Variants in UNKL observed in about 807,000 individuals in gnomAD.
UNKL encodes the protein putative E3 ubiquitin-protein ligase UNKL.
Under a neutral mutation model 78.0 loss-of-function variants are expected in UNKL, and 60 were observed. The ratio of observed to expected loss-of-function variants is 0.77; its 90% CI spans 0.63 to 0.95. UNKL has a LOEUF of 0.95. UNKL is among the 40% of genes least tolerant of loss of function. UNKL has a pLI of 0.00. For missense variants in UNKL, 1,159 were observed against 1,045.7 expected, an observed-to-expected ratio of 1.11 and a Z score of -1.49; for synonymous variants, 608 against 474.8, an observed-to-expected ratio of 1.28 and a Z score of -3.65.
intron 1 of UNKL, 39 bp downstream of exon 1, chr16:1,414,576 G>A (rs2038195818): frequency 3.1e-6 from 3 of 966,152 alleles, no homozygotes; most frequent in Admixed American, 5.9e-5. Flanking sequence ...GAGCTGCACC[G>A]GGCGCGGGCG....
rs1596720638 is a variant in UNKL, at chr16:1,390,498, G to A, written c.1086+134C>T. The A allele has an allele frequency of 2.0e-5, 18 of 895,112 alleles. No homozygotes were observed. In the South Asian group the frequency reaches 2.7e-4, roughly 13 times the overall value. 55.4% of individuals were successfully genotyped at this position (895,112 alleles called of 1,614,324 possible). A position where few individuals can be genotyped will look rare whatever the true frequency, so the allele number is the denominator to read the frequency against. On this transcript the variant is annotated intron_variant, in intron 9 of 14. Transcript: ENST00000389221. ...GCGGACGTCAACCAGATGGCTTTGC[G>A]AGCCGAGAGTGGGCGGGACCAAGGA...
chr16:1,394,434 G>A (rs1038325136), intron 6 of UNKL: 1 of 692,374 alleles, frequency 1.4e-6, no homozygotes, highest in African/African-American at 1.8e-5. Flanking sequence ...CACATGTGGG[G>A]CCATTCCCGC....
intron 10 of UNKL, 150 bp from the exon 11 acceptor site, chr16:1,371,761 C>G: frequency 1.3e-6 from 1 of 782,348 alleles, no homozygotes; most frequent in Non-Finnish European, 2.0e-6. Context: ...GGAAGGACAC[C>G]CCCAGCCCGT....
Position 1,399,315 on chromosome 16 carries a change from A to C in UNKL, c.734+59T>G. 1 of 1,480,002 alleles carries C rather than the reference A, an allele frequency of 6.8e-7. No individual in the cohort carries two copies. The highest frequency in any genetic ancestry group is 8.9e-7 in the Non-Finnish European group (1 of 1,117,998). The allele number at this position is 1,480,002 out of a possible 1,614,324, so 91.7% of individuals were successfully genotyped here. A position where few individuals can be genotyped will look rare whatever the true frequency, so the allele number is the denominator to read the frequency against. On this transcript the variant is annotated intron_variant, in intron 5 of 14. Coordinates refer to ENST00000389221, the MANE Select transcript of UNKL (RefSeq NM_001372107.1). The surrounding 1 kb of genome is among the most constrained non-coding windows in gnomAD (Gnocchi z 5.8). ...AACCCCGGGGTGGGCAACGCGAGCC[A>C]CGGGCCGGGAAGGACGCCCACCAGC...
chr16:1,379,725 C>A (rs1257039147), intron 10 of UNKL: 1 of 974,766 alleles, frequency 1.0e-6, no homozygotes, highest in African/African-American at 1.8e-5. Flanking sequence ...CCCCGCCCCG[C>A]AACGTGACTC....
intron 5 of UNKL, chr16:1,398,883 C>G (rs145629140): frequency 6.4e-7 from 1 of 1,574,740 alleles, no homozygotes; most frequent in Non-Finnish European, 8.6e-7. Context: ...CTGGGCAGGG[C>G]GACCCTTGGG....
At chr16:1,392,311 C>T (rs1414737952) in intron 8 of UNKL, among the ~76,000 whole-genome samples, 2 of 152,200 alleles carry the variant, frequency 1.3e-5, no homozygotes, top group Non-Finnish European at 2.9e-5. Flanking sequence ...GTGTCCTCTC[C>T]CCTCTCCACA....
intron 2 of UNKL, chr16:1,406,217 A>G (rs528345627): frequency 1.8e-5 from 4 of 224,746 alleles, no homozygotes; most frequent in Admixed American, 1.4e-4. Context: ...CTATATTGCT[A>G]ATTTTTTTTT....
intron 9 of UNKL, among the ~76,000 whole-genome samples, chr16:1,386,930 G>A (rs538848702): frequency 3.7e-4 from 56 of 152,260 alleles, no homozygotes; most frequent in African/African-American, 9.9e-4. Context: ...GCCCAGGTGC[G>A]AGAAGGGGCC....
intron 11 of UNKL, 130 bp from the exon 12 acceptor site, chr16:1,370,487 G>A: frequency 7.3e-7 from 1 of 1,366,822 alleles, no homozygotes; most frequent in Non-Finnish European, 9.7e-7. Flanking sequence ...TGGGAATATA[G>A]GGGCCAGGCC....
chr16:1,383,813 C>T (rs975810101), intron 10 of UNKL: 3 of 444,656 alleles, frequency 6.7e-6, no homozygotes, highest in Non-Finnish European at 1.4e-5. Context: ...CAGGCAGGGA[C>T]TGCAGCGAGG....
In UNKL at chr16:1,399,433, C is replaced by G. The variant is rs375654703; in HGVS notation, c.675G>C (p.Ala225=). Residue 225 remains alanine (A), a synonymous_variant, in exon 5 of 15, where the codon GCG becomes GCC. Coordinates refer to ENST00000389221, the MANE Select transcript of UNKL (RefSeq NM_001372107.1). The surrounding 1 kb of genome is among the most constrained non-coding windows in gnomAD (Gnocchi z 5.8). Reference sequence around the variant, plus strand: ...CCCGGCTATTGTGGTAGTGTGGGCACGCATAGCCCTGGCGGCACAGGCGTG... The same window carrying G: ...CCCGGCTATTGTGGTAGTGTGGGCAGGCATAGCCCTGGCGGCACAGGCGTG... ...KPPRLCRQGY[A]CPHYHNSRDR... 1 of 1,606,300 alleles carries G rather than the reference C, an allele frequency of 6.2e-7. No individual in the cohort carries two copies. Among genetic ancestry groups the G allele is most frequent in the Admixed American group, 1.7e-5 (1 of 59,334 alleles).
At chr16:1,393,388 G>C (rs554769274) in intron 7 of UNKL, among the ~76,000 whole-genome samples, 5 of 151,876 alleles carry the variant, frequency 3.3e-5, no homozygotes, top group African/African-American at 1.2e-4. Context: ...GGAGGAGGCC[G>C]CATGGGTTCC....
chr16:1,405,555 GACAAGGGCAAA>G (rs974010094), intron 2 of UNKL, among the ~76,000 whole-genome samples: 7 of 151,142 alleles, frequency 4.6e-5, no homozygotes, highest in African/African-American at 1.7e-4. Flanking sequence ...CAGGCTGGGT[GACAAGGGCAAA>G]ACTCCATCTC....
chr16:1,389,920 C>T (rs1197112134), intron 9 of UNKL, among the ~76,000 whole-genome samples: 3 of 152,208 alleles, frequency 2.0e-5, no homozygotes, highest in Non-Finnish European at 4.4e-5. Flanking sequence ...TCTCTTGCCT[C>T]AGCCTCCCAA....
Position 1,370,110 on chromosome 16 carries a change from T to C in UNKL, c.1585+20A>G, listed in dbSNP as rs1262638257. 1 of 1,538,690 alleles carries C rather than the reference T, an allele frequency of 6.5e-7. No individual in the cohort carries two copies. The highest frequency in any genetic ancestry group is 1.4e-5 in the African/African-American group (1 of 72,802). On this transcript the variant is annotated intron_variant, in intron 12 of 14. Transcript: ENST00000389221. The stretch of plus-strand genomic sequence containing the variant: ...CGGAGGCTTCACGGCAACGCCAGCA[T>C]GGAGGGAGCCGGCACTCACCTAGGG...
chr16:1,413,491 C>A (rs1052304439), intron 2 of UNKL, among the ~76,000 whole-genome samples: 1 of 152,062 alleles, frequency 6.6e-6, no homozygotes, highest in Non-Finnish European at 1.5e-5. Flanking sequence ...TCACTTGAAC[C>A]TGGGAGGTAG....
At chr16:1,367,488 CCCTCCCT>C (rs2035382113) in intron 13 of UNKL, 139 bp from the exon 14 acceptor site, 4 of 13,126 alleles carry the variant, frequency 3.0e-4, no homozygotes, top group African/African-American at 8.7e-4. Flanking sequence ...CTGCGGCCCT[CCCTCCCT>C]CCCTCCCTCC....
At chr16:1,378,971 C>T (rs1236225047) in intron 10 of UNKL, 2 of 152,286 alleles carry the variant, frequency 1.3e-5, no homozygotes, top group African/African-American at 4.8e-5. Context: ...AAAGAGCTGA[C>T]CCTTGTGCAG....
Sources: gnomAD v4.1 joint callset for allele counts (sites outside exome capture counted in the v4.1 genomes callset) on GRCh38, gnomAD v4.1.1 for gene constraint, Gnocchi (gnomAD v3.1) non-coding constraint, MANE v1.5 for transcripts, NCBI Gene and HGNC (gene_info 2026-07-23, HGNC 2026-07-21) for gene names.